Variants in CTNNA3 observed in about 807,000 individuals in gnomAD.
CTNNA3 encodes catenin alpha-3.
In CTNNA3, 76 loss-of-function variants were observed where a neutral mutation model predicts 95.7. That is an observed-to-expected ratio of 0.79 (90% CI 0.66 to 0.96). The LOEUF (loss-of-function observed/expected upper bound fraction) is 0.96, where lower values mean the gene tolerates loss of function less well. CTNNA3 is among the 40% of genes least tolerant of loss of function. The pLI, the probability that CTNNA3 is intolerant of heterozygous loss-of-function variation, is 0.00. For missense variants in CTNNA3, 1,191 were observed against 1,089.8 expected (o/e 1.09, Z -1.31); for synonymous variants, 431 against 374.4 (o/e 1.15, Z -1.74).
intron 2 of CTNNA3, among the ~76,000 whole-genome samples, chr10:67,635,496 G>A (rs898779849): frequency 1.3e-5 from 2 of 152,136 alleles, no homozygotes; most frequent in Non-Finnish European, 2.9e-5. Context: ...TCATCCCTGG[G>A]ATGCAAGGTT....
chr10:67,109,447 T>C (rs1275252518), intron 7 of CTNNA3, among the ~76,000 whole-genome samples: 1 of 152,212 alleles, frequency 6.6e-6, no homozygotes, highest in South Asian at 2.1e-4. Context: ...TTATGGCACT[T>C]TTTAATTTAA....
chr10:67,293,975 A>C (rs2132476529), intron 5 of CTNNA3, among the ~76,000 whole-genome samples: 1 of 152,278 alleles, frequency 6.6e-6, no homozygotes, highest in African/African-American at 2.4e-5. Context: ...TGCAATAAAC[A>C]TACGATAAAT....
At chr10:66,151,822 C>A (rs911014570) in intron 13 of CTNNA3, among the ~76,000 whole-genome samples, 1 of 151,904 alleles carries the variant, frequency 6.6e-6, no homozygotes, top group African/African-American at 2.4e-5. Context: ...TCTATACATG[C>A]TTCAATTCTT....
intron 13 of CTNNA3, among the ~76,000 whole-genome samples, chr10:66,245,152 CT>C (rs1464947975): frequency 6.6e-6 from 1 of 152,196 alleles, no homozygotes; most frequent in African/African-American, 2.4e-5. Context: ...GGTCCGGCCA[CT>C]GCTCAGTCAG....
chr10:65,952,101 A>G (rs575576333), intron 17 of CTNNA3, among the ~76,000 whole-genome samples: 8 of 152,258 alleles, frequency 5.3e-5, no homozygotes, highest in African/African-American at 1.9e-4. Context: ...GATAGCTATA[A>G]CATAAAGAGA....
chr10:67,091,502 A>C (rs970623883), intron 7 of CTNNA3, among the ~76,000 whole-genome samples: 3 of 152,068 alleles, frequency 2.0e-5, no homozygotes, highest in African/African-American at 7.2e-5. Flanking sequence ...CAAAAAAAGG[A>C]AAACAAAAGA....
At chr10:67,180,071 T>C (rs1862443949) in intron 7 of CTNNA3, among the ~76,000 whole-genome samples, 1 of 152,140 alleles carries the variant, frequency 6.6e-6, no homozygotes, top group Non-Finnish European at 1.5e-5. Flanking sequence ...CAACTAATAG[T>C]GAGATACTTC....
intron 15 of CTNNA3, among the ~76,000 whole-genome samples, chr10:66,016,015 G>GC (rs1210852447): frequency 6.6e-6 from 1 of 152,072 alleles, no homozygotes; most frequent in Non-Finnish European, 1.5e-5. Context: ...ATGATTTATA[G>GC]CATCTGTTTT....
chr10:67,266,439 T>C (rs1183450766), intron 5 of CTNNA3, among the ~76,000 whole-genome samples: 1 of 152,100 alleles, frequency 6.6e-6, no homozygotes, highest in African/African-American at 2.4e-5. Context: ...GAGCATGCGG[T>C]TGGCATTTTT....
intron 5 of CTNNA3, among the ~76,000 whole-genome samples, chr10:67,315,752 T>A (rs1017377582): frequency 2.0e-5 from 3 of 152,080 alleles, no homozygotes; most frequent in Non-Finnish European, 4.4e-5. Flanking sequence ...TAAATCAATG[T>A]ATAAAGAATA....
intron 10 of CTNNA3, among the ~76,000 whole-genome samples, chr10:66,541,994 C>T (rs1186667547): frequency 2.0e-5 from 3 of 151,952 alleles, no homozygotes; most frequent in Non-Finnish European, 2.9e-5. Flanking sequence ...GCTTATCTGA[C>T]AAAGAGCTAA....
chr10:66,986,005 C>A (rs752882093), intron 7 of CTNNA3, among the ~76,000 whole-genome samples: 4 of 152,084 alleles, frequency 2.6e-5, no homozygotes, highest in Non-Finnish European at 5.9e-5. Flanking sequence ...GGATTACAGG[C>A]GTGAGCCACC....
chr10:67,275,312 T>C lies in CTNNA3; in HGVS notation c.580-55442A>G, dbSNP rs146439728. Among the ~76,000 whole-genome samples, 35 of 152,292 alleles carry C rather than the reference T, an allele frequency of 2.3e-4. 1 individual carries two copies. The highest frequency in any genetic ancestry group is 8.4e-4 in the African/African-American group (35 of 41,576). On this transcript the variant is annotated intron_variant, in intron 5 of 17. Transcript: ENST00000433211. ...ACACATAAGTGGTGGAGCTCAGCTGTGGTCCTTGGCAGCATGGCTTTGGAG... is the reference window on the plus strand; with the variant it reads ...ACACATAAGTGGTGGAGCTCAGCTGCGGTCCTTGGCAGCATGGCTTTGGAG...
chr10:67,521,684 G>A (rs1839991854), intron 5 of CTNNA3, among the ~76,000 whole-genome samples, 158 bp downstream of exon 5: 3 of 152,150 alleles, frequency 2.0e-5, no homozygotes, highest in East Asian at 1.9e-4. Context: ...AACACTGTGG[G>A]AAGCCATATG....
chr10:66,060,645 T>C (rs1014512997), intron 15 of CTNNA3, among the ~76,000 whole-genome samples: 2 of 152,078 alleles, frequency 1.3e-5, no homozygotes, highest in Non-Finnish European at 2.9e-5. Flanking sequence ...ATGATTAAAC[T>C]TGGGGATGAA....
intron 10 of CTNNA3, among the ~76,000 whole-genome samples, chr10:66,599,707 T>G (rs1354133760): frequency 6.6e-6 from 1 of 151,846 alleles, no homozygotes; most frequent in Non-Finnish European, 1.5e-5. Context: ...TTTAAGTCCT[T>G]CAAAAGAAAC....
In CTNNA3 at chr10:67,521,860, T is replaced by TA. The variant is rs2133159251; in HGVS notation, c.560dup (p.Leu187PhefsTer17). 1.2e-6 allele frequency: 2 copies of TA among 1,613,478 alleles called. No individual in the cohort carries two copies. The highest frequency in any genetic ancestry group is 4.5e-5 in the East Asian group (2 of 44,874). Reference sequence around the variant, plus strand: ...CTCCTACCTGCTGACGTTTGAAGGCTAAATAATCCAAATTTTCCAGCTCCT... The same window carrying TA: ...CTCCTACCTGCTGACGTTTGAAGGCTAAAATAATCCAAATTTTCCAGCTCCT... On this transcript the variant is annotated frameshift_variant, in exon 5 of 18. Transcript: ENST00000433211. LOFTEE classifies it high-confidence loss of function.
intron 9 of CTNNA3, among the ~76,000 whole-genome samples, chr10:66,748,812 G>A (rs185523319): frequency 1.5e-4 from 23 of 151,974 alleles, no homozygotes; most frequent in African/African-American, 5.3e-4. Flanking sequence ...GCACCACAGC[G>A]GTGCATTTGT....
intron 5 of CTNNA3, among the ~76,000 whole-genome samples, chr10:67,431,369 C>G (rs182457352): frequency 6.6e-6 from 1 of 151,940 alleles, no homozygotes; most frequent in Non-Finnish European, 1.5e-5. Flanking sequence ...CATGAACTAC[C>G]TTTACTGGTT....
Sources: gnomAD v4.1 joint callset for allele counts (sites outside exome capture counted in the v4.1 genomes callset) on GRCh38, gnomAD v4.1.1 for gene constraint, MANE v1.5 for transcripts, NCBI Gene and HGNC (gene_info 2026-07-23, HGNC 2026-07-21) for gene names.